CTNND2: variants seen among roughly 807,000 people sequenced by gnomAD.
CTNND2 encodes catenin delta-2.
A neutral mutation model predicts 144.4 loss-of-function variants in CTNND2; 22 were observed. The observed-to-expected ratio is 0.15, with a 90% CI of 0.11 to 0.22. CTNND2 has a LOEUF of 0.22. CTNND2 is among the 10% of genes least tolerant of loss of function. The pLI, the probability that CTNND2 is intolerant of heterozygous loss-of-function variation, is 1.00. For missense variants in CTNND2, 1,353 were observed against 1,618.8 expected, an observed-to-expected ratio of 0.84 and a Z score of 2.82; for synonymous variants, 751 against 695.6, an observed-to-expected ratio of 1.08 and a Z score of -1.25.
chr5:11,746,455 C>G (rs1028256891), intron 1 of CTNND2, among the ~76,000 whole-genome samples: 26 of 152,032 alleles, frequency 1.7e-4, no homozygotes, highest in African/African-American at 6.3e-4. Context: ...TCACTAAGAA[C>G]TGTGATGATC....
chr5:11,069,771 T>C (rs908899761), intron 16 of CTNND2, among the ~76,000 whole-genome samples: 1 of 152,158 alleles, frequency 6.6e-6, no homozygotes, highest in African/African-American at 2.4e-5. Context: ...GGCAATAGTA[T>C]ACGGAGTATA....
intron 9 of CTNND2, among the ~76,000 whole-genome samples, chr5:11,287,635 G>A (rs1407987497): frequency 6.6e-6 from 1 of 152,184 alleles, no homozygotes; most frequent in African/African-American, 2.4e-5. Flanking sequence ...AGGAATAACA[G>A]TCCATATACG....
intron 2 of CTNND2, among the ~76,000 whole-genome samples, chr5:11,639,233 G>A (rs2727574): frequency 2.6e-5 from 4 of 152,222 alleles, no homozygotes; most frequent in Admixed American, 2.0e-4. Flanking sequence ...CAAGGAATTC[G>A]CAAGTCCACA....
At chr5:11,332,919 C>G (rs1753320293) in intron 9 of CTNND2, among the ~76,000 whole-genome samples, 1 of 152,192 alleles carries the variant, frequency 6.6e-6, no homozygotes, top group Non-Finnish European at 1.5e-5. Flanking sequence ...TTCTGTCTTA[C>G]CTGCCGCCAC....
chr5:11,509,130 A>G (rs1771379173), intron 3 of CTNND2, among the ~76,000 whole-genome samples: 1 of 152,204 alleles, frequency 6.6e-6, no homozygotes, highest in Non-Finnish European at 1.5e-5. Flanking sequence ...AAAATACAGA[A>G]GAGTACTATG....
intron 2 of CTNND2, among the ~76,000 whole-genome samples, chr5:11,698,490 T>C (rs1441023779): frequency 1.3e-5 from 2 of 151,986 alleles, no homozygotes; most frequent in Admixed American, 6.5e-5. Context: ...GGTTTCACCA[T>C]GTTGGCCAGG....
intron 1 of CTNND2, among the ~76,000 whole-genome samples, chr5:11,854,248 T>G (rs1181732123): frequency 6.6e-6 from 1 of 152,214 alleles, no homozygotes; most frequent in Non-Finnish European, 1.5e-5. Context: ...TATATAAGTA[T>G]CCAACATAAA....
At chr5:11,202,509 G>A (rs539533430) in intron 10 of CTNND2, among the ~76,000 whole-genome samples, 515 of 152,068 alleles carry the variant, frequency 3.4e-3, no homozygotes, top group Non-Finnish European at 6.1e-3. Flanking sequence ...GTTTTCTTGG[G>A]GTTTAATTTT....
At chr5:11,387,768 G>A (rs1759237465) in intron 6 of CTNND2, among the ~76,000 whole-genome samples, 3 of 152,092 alleles carry the variant, frequency 2.0e-5, no homozygotes, top group Admixed American at 6.6e-5. Context: ...GTACACTAAC[G>A]ATGCCATTAC....
intron 10 of CTNND2, among the ~76,000 whole-genome samples, chr5:11,210,529 T>G (rs923529511): frequency 1.3e-5 from 2 of 152,232 alleles, no homozygotes; most frequent in Non-Finnish European, 2.9e-5. Context: ...TATCTACTTT[T>G]TAGGTGAATG....
intron 11 of CTNND2, among the ~76,000 whole-genome samples, chr5:11,172,335 A>T (rs1015197099): frequency 2.6e-5 from 4 of 152,206 alleles, no homozygotes; most frequent in Admixed American, 2.6e-4. Flanking sequence ...TGACTATGGG[A>T]AAGTGACTAC....
At chr5:11,854,986 A>T (rs1795186433) in intron 1 of CTNND2, among the ~76,000 whole-genome samples, 1 of 152,240 alleles carries the variant, frequency 6.6e-6, no homozygotes, top group Admixed American at 6.5e-5. Context: ...CATTTTTCAT[A>T]AAGCAAGTGA....
intron 1 of CTNND2, among the ~76,000 whole-genome samples, chr5:11,869,137 T>C (rs930893442): frequency 2.0e-5 from 3 of 152,246 alleles, no homozygotes; most frequent in Non-Finnish European, 2.9e-5. Flanking sequence ...CCCTCATGCA[T>C]TGCTAACAGG....
chr5:11,426,820 T>C lies in CTNND2; in HGVS notation c.288-14751A>G, dbSNP rs138883482. Among the ~76,000 whole-genome samples the C allele has an allele frequency of 1.1e-3, 173 of 152,268 alleles. 2 individuals carry two copies. The highest frequency in any genetic ancestry group is 4.0e-3 in the African/African-American group (165 of 41,554). On this transcript the variant is annotated intron_variant, in intron 3 of 21. Transcript: ENST00000304623. Reference sequence around the variant, plus strand: ...GTTAGCCAATCAGTTAAGTTGAAAATGATAACTTAGAAGGAAAGGAAAAGT... The same window carrying C: ...GTTAGCCAATCAGTTAAGTTGAAAACGATAACTTAGAAGGAAAGGAAAAGT...
At chr5:11,803,155 A>C (rs1304185120) in intron 1 of CTNND2, among the ~76,000 whole-genome samples, 1 of 152,044 alleles carries the variant, frequency 6.6e-6, no homozygotes, top group African/African-American at 2.4e-5. Flanking sequence ...CCCCGTCTCT[A>C]CTAAAAATAC....
chr5:11,390,000 G>C (rs1301077403), intron 6 of CTNND2, among the ~76,000 whole-genome samples: 1 of 152,074 alleles, frequency 6.6e-6, no homozygotes, highest in African/African-American at 2.4e-5. Flanking sequence ...TTATGGATAC[G>C]CAAGTATTCT....
At chr5:11,793,072 G>A (rs1383199598) in intron 1 of CTNND2, among the ~76,000 whole-genome samples, 2 of 152,258 alleles carry the variant, frequency 1.3e-5, no homozygotes, top group Non-Finnish European at 2.9e-5. Context: ...TCCATACAAT[G>A]GACACTAAGG....
chr5:11,154,709 T>C (rs9968722), intron 12 of CTNND2, among the ~76,000 whole-genome samples: 3,825 of 152,258 alleles, frequency 0.025, 158 homozygotes, highest in African/African-American at 0.087. Context: ...CAACCGAAAC[T>C]TATTATCTCA....
intron 9 of CTNND2, among the ~76,000 whole-genome samples, chr5:11,311,025 TCA>T (rs1750764436): frequency 1.1e-5 from 1 of 93,236 alleles, no homozygotes; most frequent in Non-Finnish European, 2.1e-5. Context: ...CACAATACAC[TCA>T]CACACACACT....
Sources: allele counts gnomAD v4.1 joint callset (sites outside exome capture counted in the v4.1 genomes callset), GRCh38; gene constraint gnomAD v4.1.1; transcripts MANE v1.5; gene names NCBI Gene and HGNC (gene_info 2026-07-23, HGNC 2026-07-21).